Variants in POFUT3 observed in about 807,000 individuals in gnomAD.
The protein encoded by POFUT3 is GDP-fucose protein O-fucosyltransferase 3.
At chr8:33,389,609 A>G in the POFUT3 span, 4 of 1,614,058 alleles carry the variant, frequency 2.5e-6, no homozygotes, top group African/African-American at 1.3e-5. Flanking sequence ...CAGGACTTCA[A>G]TGCTCTCCAA....
chr8:33,354,340 C>G, the POFUT3 span, among the ~76,000 whole-genome samples: 3 of 152,062 alleles, frequency 2.0e-5, no homozygotes, highest in Non-Finnish European at 1.5e-5. Context: ...TGGTGTAATT[C>G]CCTGTAAGTC....
At chr8:33,415,589 GATT>G in the POFUT3 span, among the ~76,000 whole-genome samples, 2 of 152,184 alleles carry the variant, frequency 1.3e-5, no homozygotes, top group Non-Finnish European at 2.9e-5. Context: ...CCAGGTGACA[GATT>G]TATTCTCCCC....
chr8:33,349,757 T>A, the POFUT3 span, among the ~76,000 whole-genome samples: 2 of 152,222 alleles, frequency 1.3e-5, no homozygotes, highest in Non-Finnish European at 2.9e-5. Context: ...TGTACAAGTA[T>A]CTTTTTCATA....
At chr8:33,434,425 G>A in the POFUT3 span, among the ~76,000 whole-genome samples, 2 of 152,066 alleles carry the variant, frequency 1.3e-5, no homozygotes, top group African/African-American at 4.8e-5. Context: ...TTCCCAAAGT[G>A]TGGAACAGAA....
the POFUT3 span, among the ~76,000 whole-genome samples, chr8:33,434,064 C>T: frequency 2.6e-5 from 4 of 151,688 alleles, no homozygotes; most frequent in African/African-American, 4.8e-5. Flanking sequence ...AAGATCGATA[C>T]CAGCCTGGCC....
the POFUT3 span, among the ~76,000 whole-genome samples, chr8:33,386,643 T>C: frequency 6.6e-6 from 1 of 152,104 alleles, no homozygotes; most frequent in Non-Finnish European, 1.5e-5. Flanking sequence ...ACCCCGTCTC[T>C]ACTAAAAATA....
At chr8:33,310,247 A>G in the POFUT3 span, among the ~76,000 whole-genome samples, 1 of 148,928 alleles carries the variant, frequency 6.7e-6, no homozygotes, top group South Asian at 2.2e-4. Context: ...AAGGTAACTC[A>G]GAATTACTAC....
the POFUT3 span, among the ~76,000 whole-genome samples, chr8:33,335,936 A>G: frequency 3.3e-5 from 5 of 152,080 alleles, no homozygotes; most frequent in African/African-American, 1.2e-4. Context: ...GAAGCAGAAG[A>G]GATGGAGGAG....
chr8:33,469,305 C>T, the POFUT3 span, among the ~76,000 whole-genome samples: 1 of 151,758 alleles, frequency 6.6e-6, no homozygotes, highest in Non-Finnish European at 1.5e-5. Context: ...GACTCTGTCT[C>T]GAAAAAAAAG....
At chr8:33,337,921 C>T in the POFUT3 span, among the ~76,000 whole-genome samples, 1 of 152,262 alleles carries the variant, frequency 6.6e-6, no homozygotes, top group South Asian at 2.1e-4. Flanking sequence ...TGCAGATGGC[C>T]ACATTCTCAC....
At chr8:33,392,572 C>CT in the POFUT3 span, among the ~76,000 whole-genome samples, 3 of 152,070 alleles carry the variant, frequency 2.0e-5, no homozygotes, top group Non-Finnish European at 4.4e-5. Flanking sequence ...GAGCGAGACT[C>CT]TGTCTCAAAA....
At chr8:33,435,508 G>A in the POFUT3 span, among the ~76,000 whole-genome samples, 19 of 138,720 alleles carry the variant, frequency 1.4e-4, no homozygotes, top group African/African-American at 2.4e-4. Context: ...GAGCCACCGC[G>A]CCCAGGCAAC....
chr8:33,387,705 G>A, the POFUT3 span, among the ~76,000 whole-genome samples: 5 of 152,306 alleles, frequency 3.3e-5, no homozygotes, highest in South Asian at 1.0e-3. Flanking sequence ...TCAGGATGCT[G>A]AGGCACAAGA....
At chr8:33,320,755 G>T in the POFUT3 span, among the ~76,000 whole-genome samples, 1 of 152,086 alleles carries the variant, frequency 6.6e-6, no homozygotes, top group East Asian at 1.9e-4. Context: ...TGAGGCTTGG[G>T]CTTCTCATAG....
the POFUT3 span, among the ~76,000 whole-genome samples, chr8:33,397,221 G>C: frequency 6.6e-6 from 1 of 152,188 alleles, no homozygotes; most frequent in Non-Finnish European, 1.5e-5. Context: ...AAGTACTTCT[G>C]ACAACTTCAA....
the POFUT3 span, among the ~76,000 whole-genome samples, chr8:33,382,805 C>T: frequency 2.6e-3 from 392 of 152,156 alleles, 2 homozygotes; most frequent in South Asian, 0.017. Context: ...GTAAGAGTAC[C>T]GCCCTCTAGC....
the POFUT3 span, among the ~76,000 whole-genome samples, chr8:33,387,174 A>T: frequency 7.2e-5 from 11 of 152,268 alleles, 1 homozygote; most frequent in East Asian, 1.7e-3. Flanking sequence ...AAGCCATCAG[A>T]AATCAGGAAG....
At chr8:33,340,404 G>A in the POFUT3 span, among the ~76,000 whole-genome samples, 2 of 151,864 alleles carry the variant, frequency 1.3e-5, no homozygotes, top group Admixed American at 6.6e-5. Context: ...ATACATGTGT[G>A]TGTGTGTGAA....
At chr8:33,415,020 G>C in the POFUT3 span, among the ~76,000 whole-genome samples, 1 of 150,556 alleles carries the variant, frequency 6.6e-6, no homozygotes, top group Non-Finnish European at 1.5e-5. Context: ...CCAGCACTTT[G>C]GGAGGCCGAG....
Sources: allele counts gnomAD v4.1 joint callset (sites outside exome capture counted in the v4.1 genomes callset), GRCh38; gene constraint gnomAD v4.1.1; transcripts MANE v1.5; gene names NCBI Gene and HGNC (gene_info 2026-07-23, HGNC 2026-07-21).